The following ARHGAP10 variants were observed in gnomAD, a reference collection of about 807,000 sequenced individuals.
ARHGAP10 encodes the protein rho GTPase-activating protein 10.
A neutral mutation model predicts 108.6 loss-of-function variants in ARHGAP10; 87 were observed. That is an observed-to-expected ratio of 0.80 (90% CI 0.67 to 0.96). The LOEUF is 0.96. ARHGAP10 is among the 40% of genes least tolerant of loss of function. The pLI is 0.00. For synonymous variants in ARHGAP10, 347 were observed against 341.1 expected (o/e 1.02, Z -0.19); for missense variants, 939 against 954.5 (o/e 0.98, Z 0.21).
intron 13 of ARHGAP10, among the ~76,000 whole-genome samples, chr4:147,923,977 TTC>T (rs761717822): frequency 1.3e-5 from 2 of 152,348 alleles, no homozygotes; most frequent in Non-Finnish European, 2.9e-5. Context: ...AAACTAGAGT[TTC>T]TCTCTGTCTC....
intron 1 of ARHGAP10, among the ~76,000 whole-genome samples, chr4:147,746,852 T>C (rs1023016986): frequency 7.2e-5 from 11 of 152,136 alleles, no homozygotes; most frequent in African/African-American, 2.4e-4. Flanking sequence ...AACTGATGGA[T>C]TTATTTTCCC....
intron 10 of ARHGAP10, among the ~76,000 whole-genome samples, chr4:147,896,710 G>C (rs566063573): frequency 3.9e-5 from 6 of 151,958 alleles, no homozygotes; most frequent in African/African-American, 1.4e-4. Flanking sequence ...TAGAAGCACA[G>C]ATCATTAATT....
At chr4:147,789,923 C>T (rs137972221) in intron 1 of ARHGAP10, among the ~76,000 whole-genome samples, 6 of 150,902 alleles carry the variant, frequency 4.0e-5, no homozygotes, top group African/African-American at 7.3e-5. Context: ...GGGCTCACAT[C>T]GGAACCTTTC....
chr4:148,049,418 T>C (rs1023952897), intron 20 of ARHGAP10, among the ~76,000 whole-genome samples: 4 of 152,208 alleles, frequency 2.6e-5, no homozygotes, highest in Non-Finnish European at 4.4e-5. Flanking sequence ...TCCACCTCTT[T>C]TGTGTAAAAC....
intron 3 of ARHGAP10, among the ~76,000 whole-genome samples, chr4:147,827,851 G>C (rs1450974266): frequency 2.0e-5 from 3 of 152,008 alleles, no homozygotes; most frequent in African/African-American, 7.2e-5. Flanking sequence ...CTGTCACCAG[G>C]CCTGAGTGCA....
At chr4:147,996,165 C>T (rs1056250569) in intron 18 of ARHGAP10, among the ~76,000 whole-genome samples, 3 of 152,200 alleles carry the variant, frequency 2.0e-5, no homozygotes, top group East Asian at 1.9e-4. Context: ...GTACAGTCTC[C>T]TCCTGATTGT....
intron 1 of ARHGAP10, among the ~76,000 whole-genome samples, chr4:147,742,125 A>G (rs1728703177): frequency 6.6e-6 from 1 of 152,042 alleles, no homozygotes; most frequent in African/African-American, 2.4e-5. Flanking sequence ...GTGTCACCTC[A>G]GGTCAGAATA....
chr4:147,960,657 T>C (rs1738955332), intron 16 of ARHGAP10, among the ~76,000 whole-genome samples: 1 of 152,232 alleles, frequency 6.6e-6, no homozygotes, highest in Non-Finnish European at 1.5e-5. Context: ...CAAATAAGTA[T>C]ACAGCTTAAT....
chr4:147,761,364 C>A (rs1729583011), intron 1 of ARHGAP10, among the ~76,000 whole-genome samples: 2 of 152,096 alleles, frequency 1.3e-5, no homozygotes, highest in South Asian at 4.1e-4. Context: ...AAAATCTTTT[C>A]TAGGTTTTTC....
At chr4:148,004,704 A>G (rs1468758202) in intron 18 of ARHGAP10, among the ~76,000 whole-genome samples, 1 of 152,192 alleles carries the variant, frequency 6.6e-6, no homozygotes, top group Admixed American at 6.5e-5. Flanking sequence ...AATTCTGCCA[A>G]CAACCTGAAT....
At chr4:147,833,994 G>A (rs771892226) in intron 3 of ARHGAP10, among the ~76,000 whole-genome samples, 10 of 152,160 alleles carry the variant, frequency 6.6e-5, no homozygotes, top group Non-Finnish European at 2.9e-5. Context: ...TGCCTCCCAC[G>A]TTCTGCCTAT....
intron 1 of ARHGAP10, among the ~76,000 whole-genome samples, chr4:147,734,916 C>G (rs1578980094): frequency 6.6e-6 from 1 of 152,084 alleles, no homozygotes; most frequent in South Asian, 2.1e-4. Flanking sequence ...TTTTATTTTA[C>G]AAAAATGACC....
intron 4 of ARHGAP10, among the ~76,000 whole-genome samples, chr4:147,849,976 G>T (rs1317749682): frequency 6.6e-6 from 1 of 152,212 alleles, no homozygotes; most frequent in Non-Finnish European, 1.5e-5. Context: ...GGGACTTGGA[G>T]AACTTTTCTG....
At chr4:147,798,991 G>A (rs557964812) in intron 1 of ARHGAP10, among the ~76,000 whole-genome samples, 11 of 150,954 alleles carry the variant, frequency 7.3e-5, no homozygotes, top group Admixed American at 6.6e-4. Flanking sequence ...ACTAGTTATT[G>A]ATGTTTACCA....
At chr4:147,832,927 T>G (rs2126799671) in intron 3 of ARHGAP10, among the ~76,000 whole-genome samples, 1 of 152,290 alleles carries the variant, frequency 6.6e-6, no homozygotes, top group East Asian at 1.9e-4. Flanking sequence ...CTGTAGCTCC[T>G]CAGTATTTCA....
In ARHGAP10 at chr4:148,023,362, A is replaced by C; in HGVS notation, c.1816A>C (p.Arg606=). 1.2e-6 allele frequency: 2 copies of C among 1,614,196 alleles called. No individual in the cohort carries two copies. Among genetic ancestry groups the C allele is most frequent in the Non-Finnish European group, 1.7e-6 (2 of 1,180,012 alleles). Residue 606 remains arginine, a synonymous_variant, in exon 19 of 23, where the codon AGA becomes CGA. Coordinates refer to ENST00000336498, the MANE Select transcript of ARHGAP10 (RefSeq NM_024605.4). ...AAGGCAGTCGAAGAGACAAGGCCAG[A>C]GAACCAAGAGGCCCGTGGCCGTCTA... ...PPRQSKRQGQ[R]TKRPVAVYNL... is the part of the protein sequence containing the mutation.
chr4:147,824,321 C>CAAAA (rs57613352), intron 3 of ARHGAP10, among the ~76,000 whole-genome samples: 9 of 136,446 alleles, frequency 6.6e-5, no homozygotes, highest in African/African-American at 2.3e-4. Flanking sequence ...GACTCTGTCT[C>CAAAA]AAAAAAAAAA....
chr4:147,773,516 G>T (rs1367527261), intron 1 of ARHGAP10, among the ~76,000 whole-genome samples: 1 of 152,174 alleles, frequency 6.6e-6, no homozygotes, highest in East Asian at 1.9e-4. Flanking sequence ...GCATCTATTA[G>T]AAATCAACTC....
chr4:147,861,990 A>G (rs1734340378), intron 5 of ARHGAP10: 1 of 152,198 alleles, frequency 6.6e-6, no homozygotes, highest in Admixed American at 6.5e-5. Flanking sequence ...GGGTTTCACC[A>G]GGGACCTGTC....
Sources: allele counts gnomAD v4.1 joint callset (sites outside exome capture counted in the v4.1 genomes callset), GRCh38; gene constraint gnomAD v4.1.1; transcripts MANE v1.5; gene names NCBI Gene and HGNC (gene_info 2026-07-23, HGNC 2026-07-21).